Variants in PDCD2L observed in about 807,000 individuals in gnomAD.
PDCD2L encodes the protein programmed cell death 2 like.
In PDCD2L, 44 loss-of-function variants were observed where a neutral mutation model predicts 40.4. That is an observed-to-expected ratio of 1.09 (90% confidence interval 0.86 to 1.40). The LOEUF (loss-of-function observed/expected upper bound fraction) is 1.40, where lower values mean the gene tolerates loss of function less well. Ranked by LOEUF, PDCD2L falls within the 40% of genes most tolerant of loss-of-function variation. The pLI is 0.00. For synonymous variants in PDCD2L, 194 were observed against 174.6 expected, an observed-to-expected ratio of 1.11 and a Z score of -0.88; for missense variants, 470 against 453.7, an observed-to-expected ratio of 1.04 and a Z score of -0.33.
At chr19:34,415,270 C>A (rs1013893043) in intron 5 of PDCD2L, among the ~76,000 whole-genome samples, 2 of 152,030 alleles carry the variant, frequency 1.3e-5, no homozygotes, top group African/African-American at 2.4e-5. Flanking sequence ...AGCGCCACCA[C>A]GCCTGACTAC....
rs573663153 is a variant in PDCD2L at position 34,420,108 on chromosome 19, A to G, written c.798-1411A>G. ...TAAGCGATTCTGCAGCCGCGGCCTCAGCCTCCCCCACAGCTGGGATTACAG... is the reference window on the plus strand; with the variant it reads ...TAAGCGATTCTGCAGCCGCGGCCTCGGCCTCCCCCACAGCTGGGATTACAG... On this transcript the variant is annotated intron_variant, in intron 5 of 6. Coordinates refer to ENST00000246535, the MANE Select transcript of PDCD2L (RefSeq NM_032346.2). Among the ~76,000 whole-genome samples, 3 of 151,966 alleles carry G rather than the reference A, an allele frequency of 2.0e-5. No individual in the cohort carries two copies. The East Asian group carries it at 5.8e-4, about 29-fold the overall frequency.
chr19:34,410,645 C>G (rs900943260), intron 4 of PDCD2L, among the ~76,000 whole-genome samples: 4 of 151,932 alleles, frequency 2.6e-5, no homozygotes, highest in African/African-American at 9.7e-5. Context: ...TGGTTCTTTA[C>G]CAGAACTGTT....
At chr19:34,410,537 C>CCATT (rs2075097445) in intron 4 of PDCD2L, among the ~76,000 whole-genome samples, 1 of 152,092 alleles carries the variant, frequency 6.6e-6, no homozygotes, top group African/African-American at 2.4e-5. Context: ...CAGGCGTGAG[C>CCATT]CATTGTGCCT....
At chr19:34,424,148 A>C (rs2075165388) in intron 6 of PDCD2L, among the ~76,000 whole-genome samples, 1 of 151,818 alleles carries the variant, frequency 6.6e-6, no homozygotes, top group South Asian at 2.1e-4. Context: ...CTCACTGGGA[A>C]ATATATTTTT....
chr19:34,415,751 C>T (rs1333010903), intron 5 of PDCD2L, among the ~76,000 whole-genome samples: 1 of 152,144 alleles, frequency 6.6e-6, no homozygotes, highest in Non-Finnish European at 1.5e-5. Flanking sequence ...GATATAATAT[C>T]CATAAATGTC....
intron 4 of PDCD2L, among the ~76,000 whole-genome samples, chr19:34,410,541 T>C (rs1377476994): frequency 1.3e-5 from 2 of 151,944 alleles, no homozygotes; most frequent in African/African-American, 4.8e-5. Flanking sequence ...CGTGAGCCAT[T>C]GTGCCTGGCC....
intron 4 of PDCD2L, among the ~76,000 whole-genome samples, chr19:34,411,963 C>CATATATATATATATATAT (rs74177146): frequency 1.1e-4 from 15 of 137,658 alleles, no homozygotes; most frequent in Non-Finnish European, 1.7e-4. Flanking sequence ...ATGAAAAATA[C>CATATATATATATATATAT]ATATATATAT....
intron 5 of PDCD2L, among the ~76,000 whole-genome samples, chr19:34,419,560 C>G (rs1159303920): frequency 6.6e-6 from 1 of 150,454 alleles, no homozygotes; most frequent in Non-Finnish European, 1.5e-5. Context: ...TCTTGAACTC[C>G]TGGACTCAAG....
chr19:34,419,652 TG>T (rs1409555528), intron 5 of PDCD2L, among the ~76,000 whole-genome samples: 2 of 151,854 alleles, frequency 1.3e-5, no homozygotes, highest in Non-Finnish European at 2.9e-5. Flanking sequence ...TTCCATTTGG[TG>T]GGGTTTTTTT....
rs1430567586 is a variant in PDCD2L at position 34,421,559 on chromosome 19, A to G, written c.838A>G (p.Thr280Ala). 1 of 1,614,052 alleles carries G rather than the reference A, an allele frequency of 6.2e-7. No individual in the cohort carries two copies. The highest frequency in any genetic ancestry group is 1.3e-5 in the African/African-American group (1 of 74,990). ...SGEPLFLTCP[T>A]SEVTELPACS... ...AGAGCCACTCTTTTTGACCTGCCCT[A>G]CATCAGAAGTCACCGAGCTCCCAGC... Residue 280 changes from threonine (T) to alanine (A), a missense_variant, in exon 6 of 7, where the codon ACA becomes GCA. Thr to Ala is a moderately conservative substitution (Grantham distance 58). Coordinates refer to ENST00000246535, the MANE Select transcript of PDCD2L (RefSeq NM_032346.2).
chr19:34,405,466 G>GT (rs902029865), intron 3 of PDCD2L, among the ~76,000 whole-genome samples: 18 of 148,200 alleles, frequency 1.2e-4, no homozygotes, highest in South Asian at 2.2e-4. Context: ...TTTTGTGAGA[G>GT]TTTTTTTTTT....
chr19:34,412,107 C>T (rs1244754569), intron 4 of PDCD2L, among the ~76,000 whole-genome samples: 1 of 151,508 alleles, frequency 6.6e-6, no homozygotes, highest in Non-Finnish European at 1.5e-5. Flanking sequence ...GCAACCTCCA[C>T]CTCCCAGGTT....
chr19:34,411,988 T>A (rs943654108), intron 4 of PDCD2L, among the ~76,000 whole-genome samples: 80 of 112,938 alleles, frequency 7.1e-4, no homozygotes, highest in African/African-American at 1.9e-3. Context: ...ATATATAAAA[T>A]AAATAATAAA....
intron 4 of PDCD2L, among the ~76,000 whole-genome samples, chr19:34,410,942 A>C (rs1046885637): frequency 6.6e-6 from 1 of 150,454 alleles, no homozygotes; most frequent in Non-Finnish European, 1.5e-5. Flanking sequence ...GCGCCACCAC[A>C]CCCAGCTAAT....
At chr19:34,419,987 AT>A (rs746135272) in intron 5 of PDCD2L, among the ~76,000 whole-genome samples, 99 of 150,722 alleles carry the variant, frequency 6.6e-4, no homozygotes, top group Non-Finnish European at 1.0e-3. Flanking sequence ...TAATTTTTGT[AT>A]TATTATTATT....
chr19:34,407,265 C>T (rs2075081103), intron 3 of PDCD2L, among the ~76,000 whole-genome samples: 1 of 152,198 alleles, frequency 6.6e-6, no homozygotes. Flanking sequence ...CCTCAGCCTC[C>T]TGAGTACCTG....
intron 5 of PDCD2L, among the ~76,000 whole-genome samples, chr19:34,418,221 G>A (rs1267357246): frequency 3.3e-5 from 5 of 152,274 alleles, no homozygotes; most frequent in Admixed American, 2.6e-4. Flanking sequence ...AATCACAACA[G>A]TCAAGACAGT....
intron 6 of PDCD2L, among the ~76,000 whole-genome samples, chr19:34,424,676 C>T (rs921829692): frequency 7.9e-5 from 12 of 151,816 alleles, no homozygotes; most frequent in Middle Eastern, 3.4e-3. Context: ...TCACTTGAGG[C>T]GCTTTTCCCT....
chr19:34,422,821 T>C (rs1036003453), intron 6 of PDCD2L, among the ~76,000 whole-genome samples: 1 of 152,032 alleles, frequency 6.6e-6, no homozygotes, highest in African/African-American at 2.4e-5. Flanking sequence ...GTTCATGCCA[T>C]TCTCCTGCCT....
Sources: gnomAD v4.1 joint callset for allele counts (sites outside exome capture counted in the v4.1 genomes callset) on GRCh38, gnomAD v4.1.1 for gene constraint, MANE v1.5 for transcripts, NCBI Gene and HGNC (gene_info 2026-07-23, HGNC 2026-07-21) for gene names.